Variants in EGFLAM observed in about 807,000 individuals in gnomAD.
The protein encoded by EGFLAM is EGF like, fibronectin type III and laminin G domains.
EGFLAM carries 79 observed loss-of-function variants against 113.1 expected under a neutral mutation model. That is an observed-to-expected ratio of 0.70 (90% confidence interval 0.58 to 0.84). The LOEUF (loss-of-function observed/expected upper bound fraction) is 0.84, where lower values mean the gene tolerates loss of function less well. Among genes scored for constraint, EGFLAM ranks in the 40% least tolerant of loss-of-function variants. EGFLAM has a pLI of 0.00. For synonymous variants in EGFLAM, 504 were observed against 487.6 expected (o/e 1.03, Z -0.44); for missense variants, 1,265 against 1,291.6 (o/e 0.98, Z 0.32).
In EGFLAM at chr5:38,350,603, A is replaced by G. The variant is rs564379820; in HGVS notation, c.394A>G (p.Thr132Ala). ...GCGGCTGAGCTCTCCTCGGCATGTC[A>G]CCACTTTGTCCCAAGGTAAAGTAGG... ...KGRLSSPRHVTTLSQDSCLPP... is the reference protein window; with the variant it reads ...KGRLSSPRHVATLSQDSCLPP... Residue 132 changes from threonine to alanine, a missense_variant, in exon 4 of 22, where the codon ACC (threonine) becomes GCC (alanine). Thr to Ala is a moderately conservative substitution (Grantham distance 58). Transcript: ENST00000322350. The G allele has an allele frequency of 1.9e-6, 3 of 1,613,966 alleles. No individual in the cohort carries two copies. The South Asian group carries it at 3.3e-5, about 18-fold the overall frequency.
chr5:38,359,605 G>A (rs1739867219), intron 5 of EGFLAM, among the ~76,000 whole-genome samples: 2 of 152,194 alleles, frequency 1.3e-5, no homozygotes, highest in African/African-American at 4.8e-5. Flanking sequence ...AACCCAGGAG[G>A]TGGAGTTTGC....
At chr5:38,337,819 A>G (rs932726499) in intron 2 of EGFLAM, among the ~76,000 whole-genome samples, 190 bp downstream of exon 2, 2 of 152,172 alleles carry the variant, frequency 1.3e-5, no homozygotes, top group African/African-American at 4.8e-5. Context: ...TCACATCTGC[A>G]TTACTCACTT....
At chr5:38,371,599 AACACACACATGCGC>A (rs1740213085) in intron 6 of EGFLAM, among the ~76,000 whole-genome samples, 1 of 151,770 alleles carries the variant, frequency 6.6e-6, no homozygotes, top group Non-Finnish European at 1.5e-5. Context: ...TATACTCCAA[AACACACACATGCGC>A]ACACACACAT....
intron 3 of EGFLAM, among the ~76,000 whole-genome samples, chr5:38,342,848 G>T (rs1739370261): frequency 1.3e-5 from 2 of 152,198 alleles, no homozygotes; most frequent in South Asian, 4.2e-4. Flanking sequence ...AATATATTAT[G>T]TACATTATAA....
chr5:38,304,140 A>G (rs958615588), intron 1 of EGFLAM, among the ~76,000 whole-genome samples: 18 of 151,782 alleles, frequency 1.2e-4, no homozygotes, highest in Non-Finnish European at 2.4e-4. Flanking sequence ...AAAAAAAAAA[A>G]AGAAAGAAAG....
intron 6 of EGFLAM, among the ~76,000 whole-genome samples, chr5:38,377,735 G>A (rs200917935): frequency 6.6e-6 from 1 of 152,114 alleles, no homozygotes; most frequent in Non-Finnish European, 1.5e-5. Flanking sequence ...AACAAATAGA[G>A]TAAAAGAGGG....
At chr5:38,356,242 C>T (rs1433036823) in intron 5 of EGFLAM, among the ~76,000 whole-genome samples, 2 of 152,186 alleles carry the variant, frequency 1.3e-5, no homozygotes. Flanking sequence ...TGTTACATCC[C>T]CTGTGCTAGG....
At chr5:38,279,813 A>C (rs1757971503) in intron 1 of EGFLAM, among the ~76,000 whole-genome samples, 1 of 152,174 alleles carries the variant, frequency 6.6e-6, no homozygotes, top group South Asian at 2.1e-4. Flanking sequence ...CAGCATGCTG[A>C]GTATAGTTAA....
intron 6 of EGFLAM, among the ~76,000 whole-genome samples, chr5:38,376,261 G>A (rs1579839429): frequency 6.6e-6 from 1 of 152,052 alleles, no homozygotes; most frequent in Non-Finnish European, 1.5e-5. Flanking sequence ...GGACATGAAT[G>A]GTAAATAATA....
chr5:38,396,257 G>GGAGA (rs57874446), intron 6 of EGFLAM, among the ~76,000 whole-genome samples: 15 of 150,414 alleles, frequency 1.0e-4, no homozygotes, highest in South Asian at 2.1e-4. Flanking sequence ...TCCCACAGAA[G>GGAGA]GAGAGAGAGA....
chr5:38,393,401 C>T (rs1171659597), intron 6 of EGFLAM, among the ~76,000 whole-genome samples: 2 of 152,170 alleles, frequency 1.3e-5, no homozygotes, highest in Non-Finnish European at 2.9e-5. Flanking sequence ...TTAGTTCCCT[C>T]AACCCCTTTC....
intron 6 of EGFLAM, among the ~76,000 whole-genome samples, chr5:38,389,489 GT>G (rs568539800): frequency 2.6e-4 from 40 of 152,010 alleles, no homozygotes; most frequent in Middle Eastern, 6.8e-3. Flanking sequence ...TCAAGTATTC[GT>G]TTATTTGCCT....
intron 6 of EGFLAM, among the ~76,000 whole-genome samples, chr5:38,377,606 T>A (rs1360938593): frequency 2.6e-5 from 4 of 152,188 alleles, no homozygotes; most frequent in African/African-American, 4.8e-5. Flanking sequence ...AAAGACAAGA[T>A]GAAAGGAAAC....
intron 18 of EGFLAM, among the ~76,000 whole-genome samples, chr5:38,451,113 A>G (rs1742898380): frequency 1.3e-5 from 2 of 152,220 alleles, no homozygotes; most frequent in South Asian, 4.1e-4. Flanking sequence ...TGGGGTTCAC[A>G]GTGCTTGGGG....
intron 1 of EGFLAM, among the ~76,000 whole-genome samples, chr5:38,321,659 A>G (rs2589802): frequency 0.024 from 3,701 of 152,148 alleles, 181 homozygotes; most frequent in African/African-American, 0.084. Flanking sequence ...GGGATTTCCA[A>G]CTGAGTCTAA....
rs373640945 is a variant in EGFLAM, at chr5:38,258,739, A to C, written c.-16A>C. 1.9e-6 allele frequency: 3 copies of C among 1,600,782 alleles called. No individual in the cohort carries two copies. Among genetic ancestry groups the C allele is most frequent in the Non-Finnish European group, 2.6e-6 (3 of 1,173,506 alleles). ...CGCCCGGGACTTGGTGAAACTTTGC[A>C]GGCGCCGGCTGCGAAATGGATTTAA... On this transcript the variant is annotated 5_prime_UTR_variant, in exon 1 of 22. Coordinates refer to ENST00000322350, the MANE Select transcript of EGFLAM (RefSeq NM_152403.4).
Position 38,435,870 on chromosome 5 carries a change from C to T in EGFLAM, c.2283+617C>T, listed in dbSNP as rs533959283. Among the ~76,000 whole-genome samples the T allele has an allele frequency of 8.3e-5, 11 of 133,220 alleles. No homozygotes were observed. The South Asian group carries it at 1.2e-3, about 14-fold the overall frequency. 87.4% of individuals were successfully genotyped at this position (133,220 alleles called of 152,430 possible). ...TCTCGCTCTGTCGCCCAGGCTGTAG[C>T]GCAGTGGCGTGATCTCGGCTCACTG... On this transcript the variant is annotated intron_variant, in intron 16 of 21. Coordinates refer to ENST00000322350, the MANE Select transcript of EGFLAM (RefSeq NM_152403.4).
chr5:38,274,833 A>C (rs1757847460), intron 1 of EGFLAM, among the ~76,000 whole-genome samples: 1 of 152,228 alleles, frequency 6.6e-6, no homozygotes, highest in Non-Finnish European at 1.5e-5. Flanking sequence ...GTGGTGTATA[A>C]ATCACTTACA....
intron 1 of EGFLAM, among the ~76,000 whole-genome samples, chr5:38,337,312 T>A (rs953263597): frequency 3.3e-5 from 5 of 152,206 alleles, no homozygotes; most frequent in African/African-American, 9.7e-5. Flanking sequence ...TTGGACTGAT[T>A]TATCTACTGA....
Sources: gnomAD v4.1 joint callset for allele counts (sites outside exome capture counted in the v4.1 genomes callset) on GRCh38, gnomAD v4.1.1 for gene constraint, MANE v1.5 for transcripts, NCBI Gene and HGNC (gene_info 2026-07-23, HGNC 2026-07-21) for gene names.